ZC2HC1B: variants seen among roughly 807,000 people sequenced by gnomAD.
ZC2HC1B encodes the protein zinc finger C2HC-type containing 1B.
A neutral mutation model predicts 31.0 loss-of-function variants in ZC2HC1B; 36 were observed. The ratio of observed to expected loss-of-function variants is 1.16; its 90% CI spans 0.89 to 1.54. The LOEUF (loss-of-function observed/expected upper bound fraction) is 1.54. Among genes scored for constraint, ZC2HC1B ranks in the 40% most tolerant of loss-of-function variants. The probability of loss-of-function intolerance (pLI) is 0.00; values close to 1 mark genes in which losing one functional copy is unlikely to be tolerated. For synonymous variants in ZC2HC1B, 73 were observed against 88.0 expected (o/e 0.83, Z 0.95); for missense variants, 260 against 268.6 (o/e 0.97, Z 0.22).
intron 6 of ZC2HC1B, 98 bp from the exon 7 acceptor site, chr6:143,937,551 G>A: frequency 2.4e-5 from 22 of 921,610 alleles, no homozygotes; most frequent in South Asian, 5.8e-5. Context: ...AGGAAGAATA[G>A]AAACTTTTGA....
intron 6 of ZC2HC1B, among the ~76,000 whole-genome samples, chr6:143,929,317 T>C (rs1329033447): frequency 6.6e-6 from 1 of 152,224 alleles, no homozygotes; most frequent in Non-Finnish European, 1.5e-5. Flanking sequence ...ATCAAATGCT[T>C]TTTCTAATCT....
chr6:143,921,475 TGAG>T lies in ZC2HC1B; in HGVS notation c.599-16170_599-16168del, dbSNP rs1340527686. 1.3e-5 allele frequency among the ~76,000 whole-genome samples: 2 copies of T among 152,214 alleles called. No individual in the cohort carries two copies. The highest frequency in any genetic ancestry group is 2.9e-5 in the Non-Finnish European group (2 of 68,026). The stretch of plus-strand genomic sequence containing the variant: ...GTAAATACTTGTTGAATGAAATGTA[TGAG>T]GAGAAGTGGAAATCTTGATTCTATC... On this transcript the variant is annotated intron_variant, in intron 6 of 7. Transcript: ENST00000237275. This position sits in a 1 kb window ranked among gnomAD's most constrained non-coding sequence, Gnocchi z 6.1.
intron 6 of ZC2HC1B, among the ~76,000 whole-genome samples, chr6:143,930,945 T>C (rs1234371729): frequency 6.6e-6 from 1 of 152,228 alleles, no homozygotes; most frequent in Non-Finnish European, 1.5e-5. Context: ...GTCTTGATGA[T>C]CTGTTTGGTG....
chr6:143,884,491 C>A lies in ZC2HC1B; in HGVS notation c.90+126C>A. 1 of 852,342 alleles carries A rather than the reference C, an allele frequency of 1.2e-6. No homozygotes were observed. The highest frequency in any genetic ancestry group is 1.8e-6 in the Non-Finnish European group (1 of 570,664). The allele number at this position is 852,342 out of a possible 1,614,324, so 52.8% of individuals were successfully genotyped here. A position where few individuals can be genotyped will look rare whatever the true frequency, so the allele number is the denominator to read the frequency against. On this transcript the variant is annotated intron_variant, in intron 2 of 7. Coordinates refer to ENST00000237275, the MANE Select transcript of ZC2HC1B (RefSeq NM_001013623.3). This position sits in a 1 kb window ranked among gnomAD's most constrained non-coding sequence, Gnocchi z 5.1. The stretch of plus-strand genomic sequence containing the variant: ...GGGAAGCAAGGGAAGAGGAAAAGTA[C>A]ATAACCTATGGCTGGTGGGCCCAGA...
intron 1 of ZC2HC1B, among the ~76,000 whole-genome samples, chr6:143,877,072 A>G (rs1298587783): frequency 6.7e-6 from 1 of 149,720 alleles, no homozygotes; most frequent in African/African-American, 2.5e-5. Flanking sequence ...AATAATTAAA[A>G]ATTATTTTTA....
rs1777518594 is a variant in ZC2HC1B at position 143,885,297 on chromosome 6, G to C, written c.91-735G>C. Among the ~76,000 whole-genome samples the C allele has an allele frequency of 6.6e-6, 1 of 152,220 alleles. No homozygotes were observed. Among genetic ancestry groups the C allele is most frequent in the Non-Finnish European group, 1.5e-5 (1 of 68,036 alleles). On this transcript the variant is annotated intron_variant, in intron 2 of 7. Coordinates refer to ENST00000237275, the MANE Select transcript of ZC2HC1B (RefSeq NM_001013623.3). The surrounding 1 kb of genome is among the most constrained non-coding windows in gnomAD (Gnocchi z 4.2). ...TTGCGGGGCTGGTTGTGGCCCTGTA[G>C]TCCACCAGTGTGTGTCACTGCCTTT...
chr6:143,902,094 C>T (rs1030365822), intron 5 of ZC2HC1B, among the ~76,000 whole-genome samples: 1 of 152,220 alleles, frequency 6.6e-6, no homozygotes, highest in South Asian at 2.1e-4. Context: ...GTGGTGATTG[C>T]GAACACAGAA....
At chr6:143,909,422 G>A (rs532500681) in intron 6 of ZC2HC1B, among the ~76,000 whole-genome samples, 2 of 151,788 alleles carry the variant, frequency 1.3e-5, no homozygotes, top group Non-Finnish European at 2.9e-5. Context: ...ATAAGTTAGG[G>A]AAGATTCCCC....
rs1014470828 is a variant in ZC2HC1B at position 143,865,049 on chromosome 6, G to A, written c.28+482G>A. Among the ~76,000 whole-genome samples the A allele has an allele frequency of 5.3e-5, 8 of 152,294 alleles. No individual in the cohort carries two copies. The East Asian group carries it at 7.7e-4, about 15-fold the overall frequency. On this transcript the variant is annotated intron_variant, in intron 1 of 7. Coordinates refer to ENST00000237275, the MANE Select transcript of ZC2HC1B (RefSeq NM_001013623.3). The surrounding 1 kb of genome is among the most constrained non-coding windows in gnomAD (Gnocchi z 4.4). ...CATATATTATATATTTTGCAATTAA[G>A]AGAAAAAGACTAGGCCATGAGTCTT...
chr6:143,931,864 CTT>C (rs34072590), intron 6 of ZC2HC1B, among the ~76,000 whole-genome samples: 6,835 of 36,342 alleles, frequency 0.19, 450 homozygotes, highest in African/African-American at 0.41. Flanking sequence ...TCTTCTTCTT[CTT>C]TTTTTTTTTT....
Position 143,891,399 on chromosome 6 carries a change from TGAGTA to T in ZC2HC1B, c.349+4581_349+4585del, listed in dbSNP as rs1234653025. ...AGAAATACCTAGAAGTTATTTTTGCTGAGTAGAAATTGACTAGCTGGCCAGGCGTG... is the reference window on the plus strand; with the variant it reads ...AGAAATACCTAGAAGTTATTTTTGCTGAAATTGACTAGCTGGCCAGGCGTG... On this transcript the variant is annotated intron_variant, in intron 4 of 7. Transcript: ENST00000237275. Among the ~76,000 whole-genome samples, 16 of 151,938 alleles carry T rather than the reference TGAGTA, an allele frequency of 1.1e-4. No homozygotes were observed. In the East Asian group the frequency reaches 3.1e-3, roughly 29 times the overall value.
chr6:143,898,569 T>C lies in ZC2HC1B; in HGVS notation c.367T>C (p.Tyr123His), dbSNP rs1216384790. 6.4e-7 allele frequency: 1 copy of C among 1,551,748 alleles called. No individual in the cohort carries two copies. The highest frequency in any genetic ancestry group is 1.2e-5 in the South Asian group (1 of 84,062). The change falls in exon 5 of 8, where the codon TAT (tyrosine) becomes CAT (histidine). Residue 123 changes from tyrosine (Y) to histidine (H), a missense_variant. Coordinates refer to ENST00000237275, the MANE Select transcript of ZC2HC1B (RefSeq NM_001013623.3). Reference protein sequence around the residue: ...SLNPDYIQRPYCMRRFNESAA... With the variant: ...SLNPDYIQRPHCMRRFNESAA... Reference sequence around the variant, plus strand: ...ACATTCAGATTATATTCAACGTCCATATTGTATGAGAAGGTTTAATGAAAG... The same window carrying C: ...ACATTCAGATTATATTCAACGTCCACATTGTATGAGAAGGTTTAATGAAAG...
intron 1 of ZC2HC1B, among the ~76,000 whole-genome samples, chr6:143,882,487 A>G (rs2128493825): frequency 6.6e-6 from 1 of 151,202 alleles, no homozygotes. Context: ...GTGACAAGAA[A>G]TCATTTAAAT....
chr6:143,916,090 G>T (rs1441782830), intron 6 of ZC2HC1B, among the ~76,000 whole-genome samples: 1 of 152,178 alleles, frequency 6.6e-6, no homozygotes, highest in Non-Finnish European at 1.5e-5. Context: ...AAATGGTTTT[G>T]TGGGCCAAGC....
At chr6:143,866,656 C>G (rs1582947053) in intron 1 of ZC2HC1B, among the ~76,000 whole-genome samples, 1 of 152,232 alleles carries the variant, frequency 6.6e-6, no homozygotes, top group African/African-American at 2.4e-5. Context: ...TGAAAGAACT[C>G]TAACCTCTTG....
rs1582949021 is a variant in ZC2HC1B at position 143,870,591 on chromosome 6, A to G, written c.28+6024A>G. The stretch of plus-strand genomic sequence containing the variant: ...CCACTTTATGGCTAGATGGGTCAGA[A>G]AGCACTCAGTTCATGATAGGCAGGT... On this transcript the variant is annotated intron_variant, in intron 1 of 7. Coordinates refer to ENST00000237275, the MANE Select transcript of ZC2HC1B (RefSeq NM_001013623.3). This position sits in a 1 kb window ranked among gnomAD's most constrained non-coding sequence, Gnocchi z 4.7. Among the ~76,000 whole-genome samples the G allele has an allele frequency of 2.0e-5, 3 of 152,318 alleles. No homozygotes were observed. Among genetic ancestry groups the G allele is most frequent in the African/African-American group, 7.2e-5 (3 of 41,572 alleles).
At chr6:143,889,720 G>T (rs1335529287) in intron 4 of ZC2HC1B, among the ~76,000 whole-genome samples, 1 of 152,094 alleles carries the variant, frequency 6.6e-6, no homozygotes, top group Non-Finnish European at 1.5e-5. Flanking sequence ...TATATTTGGA[G>T]ATTTTATCAC....
rs1405480700 is a variant in ZC2HC1B at position 143,869,124 on chromosome 6, A to C, written c.28+4557A>C. 6.6e-6 allele frequency among the ~76,000 whole-genome samples: 1 copy of C among 152,026 alleles called. No homozygotes were observed. Among genetic ancestry groups the C allele is most frequent in the African/African-American group, 2.4e-5 (1 of 41,368 alleles). ...GTTTTTTCCTGGTGGAGTGACCCAA[A>C]CCTTCATTCCTGAAGGGTCTGGGCC... On this transcript the variant is annotated intron_variant, in intron 1 of 7. Coordinates refer to ENST00000237275, the MANE Select transcript of ZC2HC1B (RefSeq NM_001013623.3). This position sits in a 1 kb window ranked among gnomAD's most constrained non-coding sequence, Gnocchi z 5.2.
In ZC2HC1B at chr6:143,871,395, G is replaced by T. The variant is rs2128493115; in HGVS notation, c.28+6828G>T. ...AGGTATATTGCTGGCCTTGCCAGCT[G>T]AAGGCAAATTGCTTCTGGTGGGCCT... On this transcript the variant is annotated intron_variant, in intron 1 of 7. Transcript: ENST00000237275. The surrounding 1 kb of genome is among the most constrained non-coding windows in gnomAD (Gnocchi z 4.1). Among the ~76,000 whole-genome samples the T allele has an allele frequency of 6.6e-6, 1 of 152,362 alleles. No individual in the cohort carries two copies. The highest frequency in any genetic ancestry group is 2.4e-5 in the African/African-American group (1 of 41,594).
Sources: allele counts gnomAD v4.1 joint callset (sites outside exome capture counted in the v4.1 genomes callset), GRCh38; gene constraint gnomAD v4.1.1; non-coding constraint Gnocchi (gnomAD v3.1); transcripts MANE v1.5; gene names NCBI Gene and HGNC (gene_info 2026-07-23, HGNC 2026-07-21).